VPS37A: variants seen among roughly 807,000 people sequenced by gnomAD.
VPS37A encodes the protein VPS37A subunit of ESCRT-I.
Under a neutral mutation model 49.8 loss-of-function variants are expected in VPS37A, and 30 were observed. That is an observed-to-expected ratio of 0.60 (90% CI 0.45 to 0.82). VPS37A has a LOEUF of 0.82. Ranked by LOEUF, VPS37A falls within the 40% of genes least tolerant of loss-of-function variation. The pLI, the probability that VPS37A is intolerant of heterozygous loss-of-function variation, is 0.00. For synonymous variants in VPS37A, 195 were observed against 160.6 expected (o/e 1.21, Z -1.62); for missense variants, 593 against 464.4 (o/e 1.28, Z -2.55).
chr8:17,284,051 T>G (rs1586048621), intron 9 of VPS37A, among the ~76,000 whole-genome samples: 1 of 152,208 alleles, frequency 6.6e-6, no homozygotes, highest in African/African-American at 2.4e-5. Flanking sequence ...TTAGTGAAAT[T>G]TAATCCCATC....
At chr8:17,294,224 A>T (rs1385267949) in intron 11 of VPS37A, among the ~76,000 whole-genome samples, 3 of 152,142 alleles carry the variant, frequency 2.0e-5, no homozygotes, top group Non-Finnish European at 4.4e-5. Flanking sequence ...TGCCCAGTCC[A>T]AACTTCCCGG....
chr8:17,304,412 T>C (rs184457832), downstream of VPS37A: 5 of 1,613,888 alleles, frequency 3.1e-6, no homozygotes, highest in East Asian at 2.2e-5. Context: ...TGTAGGGAGA[T>C]GAAGGGTTCC....
In VPS37A at chr8:17,278,715, T is replaced by A. The variant is rs138358953; in HGVS notation, c.714-1313T>A. On this transcript the variant is annotated intron_variant, in intron 6 of 11. Transcript: ENST00000324849. Reference sequence around the variant, plus strand: ...AATTTTTGTTTTTGTTTTTTACAGTTCTGTTGTCTTTAGGATATGACATGC... The same window carrying A: ...AATTTTTGTTTTTGTTTTTTACAGTACTGTTGTCTTTAGGATATGACATGC... 2.7e-3 allele frequency among the ~76,000 whole-genome samples: 414 copies of A among 152,238 alleles called. 5 individuals carry two copies. Among genetic ancestry groups the A allele is most frequent in the African/African-American group, 9.4e-3 (391 of 41,554 alleles).
At position 17,284,530 on chromosome 8, in the gene VPS37A, G is replaced by A. The variant is rs1225455129; in HGVS notation, c.1027G>A (p.Glu343Lys). 6.2e-7 allele frequency: 1 copy of A among 1,600,182 alleles called. No homozygotes were observed. The highest frequency in any genetic ancestry group is 1.1e-5 in the South Asian group (1 of 87,974). ...RLKVAAHEAEEESDNIAEDFL... is the reference protein window; with the variant it reads ...RLKVAAHEAEKESDNIAEDFL... Reference sequence around the variant, plus strand: ...GAAAGTAGCTGCACATGAAGCTGAGGAAGAATCTGATAATATTGCAGAAGA... The same window carrying A: ...GAAAGTAGCTGCACATGAAGCTGAGAAAGAATCTGATAATATTGCAGAAGA... The change falls in exon 10 of 12, where the codon GAA (glutamate) becomes AAA (lysine). Residue 343 changes from glutamate to lysine, a missense_variant. Physicochemically the swap from Glu to Lys is moderately conservative, Grantham distance 56. Coordinates refer to ENST00000324849, the MANE Select transcript of VPS37A (RefSeq NM_152415.3).
downstream of VPS37A, among the ~76,000 whole-genome samples, chr8:17,303,539 G>A (rs181536202): frequency 2.9e-3 from 446 of 151,830 alleles, 1 homozygote; most frequent in African/African-American, 0.01. Context: ...AAAAACATAC[G>A]TATCTAGCAC....
rs1250054286 is a variant in VPS37A at position 17,297,580 on chromosome 8, A to AAAAT, written c.*2599_*2602dup. On this transcript the variant is annotated 3_prime_UTR_variant, in exon 12 of 12. Transcript: ENST00000324849. ...CCTATTTATTTCATATCAACTTTAAAAAATAAATTACTTGCATTCTATATA... is the reference window on the plus strand; with the variant it reads ...CCTATTTATTTCATATCAACTTTAAAAAATAAATAAATTACTTGCATTCTATATA... 1 of 152,074 alleles carries AAAAT rather than the reference A, an allele frequency of 6.6e-6. No homozygotes were observed. The highest frequency in any genetic ancestry group is 1.9e-4 in the East Asian group (1 of 5,198). The allele number at this position is 152,074 out of a possible 1,614,324, so 9.4% of individuals were successfully genotyped here. A position where few individuals can be genotyped will look rare whatever the true frequency, so the allele number is the denominator to read the frequency against.
chr8:17,299,952 G>A, downstream of VPS37A: 2 of 1,614,122 alleles, frequency 1.2e-6, no homozygotes, highest in Non-Finnish European at 1.7e-6. Context: ...GAGACCGACA[G>A]CTCAAATCCT....
intron 6 of VPS37A, 96 bp from the exon 7 acceptor site, chr8:17,279,932 C>A (rs534316616): frequency 1.3e-6 from 2 of 1,507,140 alleles, no homozygotes; most frequent in East Asian, 4.6e-5. Flanking sequence ...ATTTAGAACC[C>A]TATCAGTTAA....
At chr8:17,310,491 G>C in the VPS37A span, among the ~76,000 whole-genome samples, 1 of 152,166 alleles carries the variant, frequency 6.6e-6, no homozygotes, top group African/African-American at 2.4e-5. Flanking sequence ...TGATGGAAAC[G>C]CATGTGTGCA....
At position 17,288,384 on chromosome 8, in the gene VPS37A, C is replaced by G. The variant is rs543222861; in HGVS notation, c.*1957C>G. 5.3e-5 allele frequency among the ~76,000 whole-genome samples: 8 copies of G among 152,224 alleles called. No individual in the cohort carries two copies. The South Asian group carries it at 1.5e-3, about 28-fold the overall frequency. The stretch of plus-strand genomic sequence containing the variant: ...TATTCCTCTCCTTGCCCCCAACTCC[C>G]CAACAGGCTCCAGTGTGTGATGTTC... On this transcript the variant is annotated intron_variant, in intron 11 of 11. Coordinates refer to ENST00000324849, the MANE Select transcript of VPS37A (RefSeq NM_152415.3).
the VPS37A span, chr8:17,311,576 C>G: frequency 1.2e-6 from 2 of 1,614,142 alleles, no homozygotes; most frequent in South Asian, 2.2e-5. Context: ...CACACCTGAG[C>G]GGTCCTGTCC....
the VPS37A span, chr8:17,311,573 G>A: frequency 1.2e-6 from 2 of 1,614,110 alleles, no homozygotes; most frequent in South Asian, 1.1e-5. Flanking sequence ...GAGCACACCT[G>A]AGCGGTCCTG....
chr8:17,280,798 C>G (rs982006060), intron 9 of VPS37A, among the ~76,000 whole-genome samples: 2 of 151,460 alleles, frequency 1.3e-5, no homozygotes, highest in African/African-American at 4.8e-5. Context: ...ATGAAAAGTT[C>G]GCAAATTAAA....
the VPS37A span, among the ~76,000 whole-genome samples, chr8:17,329,482 C>G: frequency 6.6e-6 from 1 of 152,144 alleles, no homozygotes; most frequent in African/African-American, 2.4e-5. Flanking sequence ...TGTCAGACCA[C>G]AGGCATAAGG....
chr8:17,333,431 AAAATT>A, the VPS37A span, among the ~76,000 whole-genome samples: 1 of 151,254 alleles, frequency 6.6e-6, no homozygotes, highest in Non-Finnish European at 1.5e-5. Flanking sequence ...CATCATAAAT[AAAATT>A]AATAGGAGAT....
At chr8:17,263,076 GAT>G (rs1813110360) in intron 1 of VPS37A, among the ~76,000 whole-genome samples, 1 of 147,700 alleles carries the variant, frequency 6.8e-6, no homozygotes, top group South Asian at 2.2e-4. Context: ...AAAAAAAAAA[GAT>G]ATTGTAAAAT....
chr8:17,270,182 C>T (rs1459977718), intron 4 of VPS37A, among the ~76,000 whole-genome samples: 3 of 152,106 alleles, frequency 2.0e-5, no homozygotes, highest in Non-Finnish European at 2.9e-5. Context: ...GCAGGCCCCA[C>T]CTCCAACATT....
intron 1 of VPS37A, chr8:17,247,895 T>C: frequency 3.1e-6 from 2 of 641,668 alleles, no homozygotes; most frequent in South Asian, 3.6e-5. Flanking sequence ...GTCTCTAAGA[T>C]TTACCCTGTT....
intron 6 of VPS37A, among the ~76,000 whole-genome samples, chr8:17,278,737 A>G (rs921069883): frequency 7.2e-5 from 11 of 152,090 alleles, no homozygotes; most frequent in Admixed American, 2.6e-4. Flanking sequence ...AGGATATGAC[A>G]TGCCAGAATA....
Sources: gnomAD v4.1 joint callset for allele counts (sites outside exome capture counted in the v4.1 genomes callset) on GRCh38, gnomAD v4.1.1 for gene constraint, MANE v1.5 for transcripts, NCBI Gene and HGNC (gene_info 2026-07-23, HGNC 2026-07-21) for gene names.